CALCR: variants seen among roughly 807,000 people sequenced by gnomAD.
The protein encoded by CALCR is calcitonin receptor.
In CALCR, 47 loss-of-function variants were observed where a neutral mutation model predicts 59.5. The observed-to-expected ratio is 0.79, with a 90% CI of 0.63 to 1.01. The LOEUF is 1.01. Among genes scored for constraint, CALCR ranks in the 50% least tolerant of loss-of-function variants. The pLI, the probability that CALCR is intolerant of heterozygous loss-of-function variation, is 0.00. For synonymous variants in CALCR, 213 were observed against 211.3 expected, an observed-to-expected ratio of 1.01 and a Z score of -0.07; for missense variants, 566 against 597.1, an observed-to-expected ratio of 0.95 and a Z score of 0.54.
At chr7:93,436,239 A>C in intron 11 of CALCR, 69 bp from the exon 12 acceptor site, 2 of 1,270,130 alleles carry the variant, frequency 1.6e-6, no homozygotes, top group Non-Finnish European at 2.3e-6. Flanking sequence ...ACTGTTCTCA[A>C]TTCTTGTTTA....
Position 93,460,801 on chromosome 7 carries a change from C to T in CALCR, c.648+20G>A. ...ATATCCTTTAAAATAAAAGTAAAAA[C>T]AAAACTATGCAGTACTTACCGGGTC... On this transcript the variant is annotated intron_variant, in intron 8 of 13. Transcript: ENST00000426151. 1 of 1,555,300 alleles carries T rather than the reference C, an allele frequency of 6.4e-7. No homozygotes were observed. Among genetic ancestry groups the T allele is most frequent in the Non-Finnish European group, 8.7e-7 (1 of 1,155,606 alleles).
rs932880647 is a variant in CALCR at position 93,567,136 on chromosome 7, G to C, written c.-27+7153C>G. ...TGCTATGTTTTAAATGCTCACTAAA[G>C]AAAACCAACTCAAACCCAAAATAGA... On this transcript the variant is annotated intron_variant, in intron 2 of 13. Transcript: ENST00000426151. Among the ~76,000 whole-genome samples the C allele has an allele frequency of 2.6e-5, 4 of 152,238 alleles. No individual in the cohort carries two copies. In the East Asian group the frequency reaches 5.8e-4, roughly 22 times the overall value.
rs140879645 is a variant in CALCR at position 93,563,416 on chromosome 7, T to G, written c.-27+10873A>C. Among the ~76,000 whole-genome samples, 4 of 152,330 alleles carry G rather than the reference T, an allele frequency of 2.6e-5. No individual in the cohort carries two copies. The East Asian group carries it at 7.7e-4, about 29-fold the overall frequency. Reference sequence around the variant, plus strand: ...TTGAAATTCTATTTAGAGCCATGTTTTGCTAAGAGTTGTATTTTGCATTTT... The same window carrying G: ...TTGAAATTCTATTTAGAGCCATGTTGTGCTAAGAGTTGTATTTTGCATTTT... On this transcript the variant is annotated intron_variant, in intron 2 of 13. Transcript: ENST00000426151.
chr7:93,535,915 GAA>G (rs1788973327), intron 2 of CALCR, among the ~76,000 whole-genome samples: 1 of 151,706 alleles, frequency 6.6e-6, no homozygotes, highest in African/African-American at 2.4e-5. Context: ...GGTTAAAACA[GAA>G]TTTTCAATTT....
chr7:93,441,404 G>T (rs1475030197), intron 9 of CALCR: 2 of 382,196 alleles, frequency 5.2e-6, no homozygotes, highest in Non-Finnish European at 1.0e-5. Flanking sequence ...TGATTGTGAT[G>T]ATCAGAATTG....
intron 5 of CALCR, among the ~76,000 whole-genome samples, chr7:93,475,412 AG>A (rs1307051497): frequency 6.6e-6 from 1 of 151,864 alleles, no homozygotes; most frequent in Non-Finnish European, 1.5e-5. Flanking sequence ...AGCACTAATC[AG>A]CACAAAAAAT....
At chr7:93,427,444 C>A (rs573561771) in intron 13 of CALCR, among the ~76,000 whole-genome samples, 92 of 152,328 alleles carry the variant, frequency 6.0e-4, no homozygotes, top group African/African-American at 2.1e-3. Flanking sequence ...AATCTCTATT[C>A]TGTATTTCTG....
chr7:93,552,903 T>C (rs1789498910), intron 2 of CALCR, among the ~76,000 whole-genome samples: 1 of 152,148 alleles, frequency 6.6e-6, no homozygotes, highest in South Asian at 2.1e-4. Context: ...CCATATTCAG[T>C]GTAGCACATA....
At position 93,546,538 on chromosome 7, in the gene CALCR, G is replaced by A. The variant is rs903493113; in HGVS notation, c.-27+27751C>T. Among the ~76,000 whole-genome samples the A allele has an allele frequency of 2.6e-5, 4 of 151,736 alleles. No homozygotes were observed. In the East Asian group the frequency reaches 7.7e-4, roughly 29 times the overall value. ...TTCCCAACATTTGTCCTGAAGCTGG[G>A]CCCATGAGTGAGTGACTTTTTGTTT... On this transcript the variant is annotated intron_variant, in intron 2 of 13. Coordinates refer to ENST00000426151, the MANE Select transcript of CALCR (RefSeq NM_001742.4).
intron 8 of CALCR, among the ~76,000 whole-genome samples, chr7:93,451,061 T>C (rs760396600): frequency 1.3e-5 from 2 of 151,900 alleles, no homozygotes; most frequent in South Asian, 2.1e-4. Context: ...GCCTTCATGA[T>C]TTGTAGTTTA....
intron 2 of CALCR, among the ~76,000 whole-genome samples, chr7:93,545,705 C>G (rs1284446430): frequency 4.6e-5 from 7 of 151,900 alleles, no homozygotes; most frequent in African/African-American, 1.7e-4. Context: ...TTTTTTTAAT[C>G]TAAACAAAAA....
At chr7:93,571,835 AT>A (rs917178923) in intron 2 of CALCR, among the ~76,000 whole-genome samples, 13 of 152,118 alleles carry the variant, frequency 8.5e-5, no homozygotes, top group Non-Finnish European at 1.3e-4. Context: ...CTTAAAACAT[AT>A]TTTTTGTAAA....
chr7:93,498,387 T>C (rs146333265), intron 2 of CALCR, among the ~76,000 whole-genome samples: 53 of 151,682 alleles, frequency 3.5e-4, no homozygotes, highest in Non-Finnish European at 5.8e-4. Context: ...CAGTTCAGAA[T>C]TGTGCCATTA....
chr7:93,548,288 C>G (rs1032649097), intron 2 of CALCR, among the ~76,000 whole-genome samples: 2 of 152,116 alleles, frequency 1.3e-5, no homozygotes, highest in Non-Finnish European at 2.9e-5. Flanking sequence ...TGGCTCCAAA[C>G]ACTAGGACTT....
intron 2 of CALCR, among the ~76,000 whole-genome samples, chr7:93,545,533 A>C (rs578131084): frequency 2.0e-5 from 3 of 152,110 alleles, no homozygotes; most frequent in Non-Finnish European, 2.9e-5. Context: ...TTTGCCAAAA[A>C]ATGATGGAAG....
chr7:93,568,509 T>TTCTCTCTCTCTCTCTCTCTCTCTCTC (rs4015269), intron 2 of CALCR, among the ~76,000 whole-genome samples: 2 of 102,428 alleles, frequency 2.0e-5, no homozygotes, highest in Admixed American at 1.1e-4. Flanking sequence ...TAAAATTACT[T>TTCTCTCTCTCTCTCTCTCTCTCTCTC]TCTCTCTCTC....
intron 2 of CALCR, among the ~76,000 whole-genome samples, chr7:93,539,450 A>G (rs1563012915): frequency 1.3e-5 from 2 of 151,966 alleles, no homozygotes. Flanking sequence ...TAATACTGAG[A>G]AACGTAAATC....
At chr7:93,462,573 C>T (rs1800358789) in intron 7 of CALCR, among the ~76,000 whole-genome samples, 1 of 152,090 alleles carries the variant, frequency 6.6e-6, no homozygotes, top group Admixed American at 6.6e-5. Flanking sequence ...ATAATTCTCA[C>T]TAGCAGTTAA....
At chr7:93,431,218 C>G (rs1236932501) in intron 13 of CALCR, among the ~76,000 whole-genome samples, 1 of 152,180 alleles carries the variant, frequency 6.6e-6, no homozygotes, top group Non-Finnish European at 1.5e-5. Context: ...CAGAAGAAAT[C>G]AAGCAAAAGA....
Sources: allele counts gnomAD v4.1 joint callset (sites outside exome capture counted in the v4.1 genomes callset), GRCh38; gene constraint gnomAD v4.1.1; transcripts MANE v1.5; gene names NCBI Gene and HGNC (gene_info 2026-07-23, HGNC 2026-07-21).